Variants in TAF4 observed in about 807,000 individuals in gnomAD.
TAF4 encodes the protein TATA-box binding protein associated factor 4, also known as transcription initiation factor TFIID subunit 4.
Under a neutral mutation model 90.3 loss-of-function variants are expected in TAF4, and 9 were observed. The observed-to-expected ratio is 0.10, with a 90% CI of 0.06 to 0.17. The LOEUF is 0.17. Among genes scored for constraint, TAF4 ranks in the 10% least tolerant of loss-of-function variants. The pLI is 1.00. For synonymous variants in TAF4, 818 were observed against 638.9 expected (o/e 1.28, Z -4.23); for missense variants, 1,351 against 1,370.7 (o/e 0.99, Z 0.23).
chr20:61,982,865 T>C (rs1018403775), intron 14 of TAF4, among the ~76,000 whole-genome samples: 19 of 152,252 alleles, frequency 1.2e-4, no homozygotes, highest in South Asian at 8.3e-4. Flanking sequence ...TCAGCCTCCA[T>C]GGCTCCTCCC....
rs888269504 is a variant in TAF4 at position 62,061,672 on chromosome 20, C to T, written c.1360+2779G>A. Among the ~76,000 whole-genome samples, 3 of 152,206 alleles carry T rather than the reference C, an allele frequency of 2.0e-5. No homozygotes were observed. The East Asian group carries it at 5.8e-4, about 29-fold the overall frequency. Reference sequence around the variant, plus strand: ...AGCTGTAATCACAACCTGACTATGACGTTATGACTATCCTAAGCTGTACAT... The same window carrying T: ...AGCTGTAATCACAACCTGACTATGATGTTATGACTATCCTAAGCTGTACAT... On this transcript the variant is annotated intron_variant, in intron 1 of 14. Coordinates refer to ENST00000252996, the MANE Select transcript of TAF4 (RefSeq NM_003185.4).
intron 1 of TAF4, among the ~76,000 whole-genome samples, chr20:62,050,081 C>A (rs2056017890): frequency 6.6e-6 from 1 of 152,300 alleles, no homozygotes; most frequent in Middle Eastern, 3.4e-3. Flanking sequence ...TCACGGAGGA[C>A]ACCTGACAAA....
At chr20:62,063,229 C>A (rs2056099767) in intron 1 of TAF4, among the ~76,000 whole-genome samples, 1 of 152,204 alleles carries the variant, frequency 6.6e-6, no homozygotes, top group African/African-American at 2.4e-5. Context: ...GACCACCAGC[C>A]CCGAACCTCA....
chr20:61,995,906 G>T, intron 14 of TAF4, among the ~76,000 whole-genome samples: 1 of 151,138 alleles, frequency 6.6e-6, no homozygotes, highest in South Asian at 2.1e-4. Flanking sequence ...ATTTGAAGAA[G>T]TATTAGCCAA....
chr20:62,044,963 A>T (rs2145506366), intron 1 of TAF4, among the ~76,000 whole-genome samples: 1 of 152,356 alleles, frequency 6.6e-6, no homozygotes, highest in East Asian at 1.9e-4. Flanking sequence ...CACAGGGAGC[A>T]GTCCGACATG....
chr20:62,023,118 C>G (rs1159781609), intron 1 of TAF4, among the ~76,000 whole-genome samples: 3 of 152,114 alleles, frequency 2.0e-5, no homozygotes, highest in Admixed American at 2.0e-4. Context: ...TACAGAAATG[C>G]AAAAGTCTTA....
rs376636061 is a variant in TAF4, at chr20:62,003,161, G to T, written c.2485C>A (p.Arg829=). The change falls in exon 9 of 15, where the codon CGG becomes AGG. Residue 829 remains arginine, a splice_region_variant and synonymous_variant. Transcript: ENST00000252996. ...AACGTACACAGGCCCATTCCTTACCGAAACGAACCTCCCCCAGGCTCCTTG... is the reference window on the plus strand; with the variant it reads ...AACGTACACAGGCCCATTCCTTACCTAAACGAACCTCCCCCAGGCTCCTTG... ...KLKEPGGGSF[R]DDDDINDVAS... is the part of the protein sequence containing the mutation. 3.1e-6 allele frequency: 5 copies of T among 1,613,896 alleles called. No homozygotes were observed. The highest frequency in any genetic ancestry group is 1.1e-5 in the South Asian group (1 of 91,070).
intron 1 of TAF4, among the ~76,000 whole-genome samples, chr20:62,034,008 C>T (rs1238095633): frequency 2.6e-5 from 4 of 151,290 alleles, no homozygotes. Flanking sequence ...CGCCACTGCA[C>T]TCCAGCCTGG....
chr20:62,059,310 T>C (rs73915550), intron 1 of TAF4, among the ~76,000 whole-genome samples: 4,474 of 152,300 alleles, frequency 0.029, 164 homozygotes, highest in African/African-American at 0.087. Flanking sequence ...ATCTCTTTGT[T>C]TTTCGAAAGC....
At chr20:62,063,813 G>A (rs1321234968) in intron 1 of TAF4, among the ~76,000 whole-genome samples, 1 of 152,254 alleles carries the variant, frequency 6.6e-6, no homozygotes, top group Non-Finnish European at 1.5e-5. Context: ...GCGCCGGGAG[G>A]ACTCTCGCAG....
intron 12 of TAF4, among the ~76,000 whole-genome samples, chr20:61,998,532 G>A (rs1419199213): frequency 6.6e-6 from 1 of 152,178 alleles, no homozygotes; most frequent in African/African-American, 2.4e-5. Flanking sequence ...ACCAGGGACG[G>A]GACAGCCTGT....
At chr20:62,012,321 G>C (rs1441727406) in intron 3 of TAF4, 2 of 152,542 alleles carry the variant, frequency 1.3e-5, no homozygotes, top group African/African-American at 4.8e-5. Flanking sequence ...CGCACCACGA[G>C]ATGAAGGGAG....
At chr20:62,024,667 G>A (rs565320553) in intron 1 of TAF4, among the ~76,000 whole-genome samples, 23 of 152,268 alleles carry the variant, frequency 1.5e-4, no homozygotes, top group African/African-American at 3.6e-4. Context: ...TCAGGAGTTC[G>A]AGACCAGCTT....
rs2055763813 is a variant in TAF4, at chr20:62,009,070, C to A, written c.1866G>T (p.Glu622Asp). ...TTCTCACCAGTAAATTCTGCACGAG[C>A]TCTTTCACATTAGCTGCTGTCTCTG... ...QSTETAANVKELVQNLLDGKI... is the reference protein window; with the variant it reads ...QSTETAANVKDLVQNLLDGKI... The change falls in exon 5 of 15, where the codon GAG becomes GAT. Residue 622 changes from glutamate to aspartate, a missense_variant. Transcript: ENST00000252996. 1 of 1,613,010 alleles carries A rather than the reference C, an allele frequency of 6.2e-7. No homozygotes were observed. Among genetic ancestry groups the A allele is most frequent in the African/African-American group, 1.3e-5 (1 of 74,902 alleles).
At chr20:62,003,916 C>G (rs2055725345) in intron 7 of TAF4, 38 bp from the exon 8 acceptor site, 1 of 1,510,762 alleles carries the variant, frequency 6.6e-7, no homozygotes, top group Non-Finnish European at 8.8e-7. Context: ...AGCATGCTCC[C>G]CGAGGGCCAG....
intron 6 of TAF4, among the ~76,000 whole-genome samples, 188 bp downstream of exon 6, chr20:62,007,359 T>G (rs2055752697): frequency 2.6e-5 from 4 of 152,128 alleles, no homozygotes; most frequent in Admixed American, 2.6e-4. Context: ...TCAGGGGAGC[T>G]CCTGCTTTAC....
At chr20:62,011,250 A>G (rs1449733725) in intron 3 of TAF4, among the ~76,000 whole-genome samples, 1 of 152,212 alleles carries the variant, frequency 6.6e-6, no homozygotes, top group African/African-American at 2.4e-5. Flanking sequence ...TGAAGAAAAC[A>G]TAAAAGGACA....
chr20:61,977,661 C>CGCT (rs1479945429), intron 14 of TAF4, among the ~76,000 whole-genome samples: 2 of 152,160 alleles, frequency 1.3e-5, no homozygotes, highest in Non-Finnish European at 1.5e-5. Flanking sequence ...AGACGCCCTG[C>CGCT]GCTGTGAGGG....
At chr20:62,053,182 T>C (rs1158221354) in intron 1 of TAF4, among the ~76,000 whole-genome samples, 2 of 152,176 alleles carry the variant, frequency 1.3e-5, no homozygotes, top group African/African-American at 4.8e-5. Context: ...CCCTATCACC[T>C]GTCCAGAATC....
Sources: allele counts gnomAD v4.1 joint callset (sites outside exome capture counted in the v4.1 genomes callset), GRCh38; gene constraint gnomAD v4.1.1; transcripts MANE v1.5; gene names NCBI Gene and HGNC (gene_info 2026-07-23, HGNC 2026-07-21).